The following DCAF10 variants were observed in gnomAD, a reference collection of about 807,000 sequenced individuals.
DCAF10 encodes the protein DDB1- and CUL4-associated factor 10.
A neutral mutation model predicts 51.9 loss-of-function variants in DCAF10; 19 were observed. The ratio of observed to expected loss-of-function variants is 0.37; its 90% CI spans 0.26 to 0.54. The LOEUF is 0.54. DCAF10 is among the 20% of genes least tolerant of loss of function. The pLI, the probability that DCAF10 is intolerant of heterozygous loss-of-function variation, is 0.87. For synonymous variants in DCAF10, 291 were observed against 297.1 expected, an observed-to-expected ratio of 0.98 and a Z score of 0.21; for missense variants, 510 against 730.6, an observed-to-expected ratio of 0.70 and a Z score of 3.48.
At chr9:37,859,956 T>C (rs1193293284) in intron 5 of DCAF10, 92 bp from the exon 6 acceptor site, 1 of 1,455,950 alleles carries the variant, frequency 6.9e-7, no homozygotes, top group East Asian at 2.3e-5. Flanking sequence ...AATGACGGCA[T>C]GGGAGGTGGC....
chr9:37,849,055 G>C (rs1424160553), intron 3 of DCAF10, among the ~76,000 whole-genome samples: 1 of 151,278 alleles, frequency 6.6e-6, no homozygotes, highest in African/African-American at 2.4e-5. Context: ...TGAAACTCCT[G>C]AATCATTAAT....
intron 3 of DCAF10, among the ~76,000 whole-genome samples, chr9:37,850,826 T>TTATATATATATATATA (rs71494679): frequency 8.7e-5 from 4 of 45,876 alleles, no homozygotes; most frequent in Admixed American, 2.8e-4. Flanking sequence ...AGGATATATT[T>TTATATATATATATATA]TATATATATA....
At chr9:37,832,292 T>C (rs1012790370) in intron 2 of DCAF10, among the ~76,000 whole-genome samples, 4 of 144,882 alleles carry the variant, frequency 2.8e-5, no homozygotes, top group Middle Eastern at 4.2e-3. Context: ...ACCCCATCTC[T>C]ACTAAAAATA....
chr9:37,855,003 CAAA>C (rs1157162012), intron 4 of DCAF10, 21 bp downstream of exon 4: 3 of 1,574,406 alleles, frequency 1.9e-6, no homozygotes, highest in African/African-American at 1.4e-5. Flanking sequence ...CTTTTTTGGT[CAAA>C]AAGATTTTTC....
At chr9:37,825,920 A>G (rs1411574946) in intron 2 of DCAF10, among the ~76,000 whole-genome samples, 3 of 152,160 alleles carry the variant, frequency 2.0e-5, no homozygotes, top group African/African-American at 7.2e-5. Context: ...CTGTAATCCC[A>G]GCTACCCAGG....
In DCAF10 at chr9:37,857,274, G is replaced by C. The variant is rs1830876088; in HGVS notation, c.1088G>C (p.Arg363Thr). Residue 363 changes from arginine (R) to threonine (T), a missense_variant, in exon 5 of 7, where the codon AGA becomes ACA. By Grantham distance (71) the Arg-to-Thr change is moderately conservative. Around this residue, in one of 4 missense-constraint regions of DCAF10, gnomAD observed 126 missense variants for 271.5 expected, o/e 0.46. Transcript: ENST00000377724. ...ACTTCATCAAGTTCATCTGGTCCTA[G>C]AGTTTCTGGCTCACCTTGTCATCAT... The part of the protein sequence containing the change: ...LTTSSSSSGP[R>T]VSGSPCHHSD... 6.2e-7 allele frequency: 1 copy of C among 1,609,530 alleles called. No homozygotes were observed. The highest frequency in any genetic ancestry group is 8.5e-7 in the Non-Finnish European group (1 of 1,178,348).
At chr9:37,848,299 C>A (rs542966382) in intron 3 of DCAF10, among the ~76,000 whole-genome samples, 16 of 152,110 alleles carry the variant, frequency 1.1e-4, no homozygotes, top group African/African-American at 3.9e-4. Flanking sequence ...TCATAATAAG[C>A]AAAAATGGAA....
At position 37,810,898 on chromosome 9, in the gene DCAF10, C is replaced by T. The variant is rs544876968; in HGVS notation, c.540-8390C>T. ...TATACCCTAGGACTAAAGGTGAATC[C>T]AGAATCGACAGTACTCATGGGGACT... On this transcript the variant is annotated intron_variant, in intron 1 of 6. Coordinates refer to ENST00000377724, the MANE Select transcript of DCAF10 (RefSeq NM_024345.5). Among the ~76,000 whole-genome samples, 4 of 152,192 alleles carry T rather than the reference C, an allele frequency of 2.6e-5. No homozygotes were observed. The East Asian group carries it at 7.7e-4, about 29-fold the overall frequency.
chr9:37,812,381 C>T (rs1829375541), intron 1 of DCAF10, among the ~76,000 whole-genome samples: 1 of 151,988 alleles, frequency 6.6e-6, no homozygotes. Context: ...ATCTTAAAAG[C>T]AGCTAGAGGA....
intron 3 of DCAF10, among the ~76,000 whole-genome samples, chr9:37,854,134 C>T (rs553783276): frequency 1.3e-5 from 2 of 150,322 alleles, no homozygotes; most frequent in South Asian, 2.1e-4. Flanking sequence ...GTCTGTCTGT[C>T]TGTCACCCAG....
chr9:37,847,581 G>A (rs1295314434), intron 3 of DCAF10, among the ~76,000 whole-genome samples: 1 of 152,164 alleles, frequency 6.6e-6, no homozygotes, highest in Non-Finnish European at 1.5e-5. Context: ...AAGACTGAAT[G>A]CATTCCCCCT....
intron 1 of DCAF10, among the ~76,000 whole-genome samples, chr9:37,813,824 T>A (rs1361617754): frequency 1.3e-5 from 2 of 152,000 alleles, no homozygotes; most frequent in African/African-American, 4.8e-5. Flanking sequence ...AATCACAGTA[T>A]AAATTATAAA....
Position 37,835,741 on chromosome 9 carries a change from AAAC to A in DCAF10, c.654-6336_654-6334del, listed in dbSNP as rs138365757. On this transcript the variant is annotated intron_variant, in intron 2 of 6. Transcript: ENST00000377724. The stretch of plus-strand genomic sequence containing the variant: ...GCAACAAGAGTGAAACTCAGTCTCA[AAAC>A]AACAACAACAAAAAACATTATCAGT... 3.9e-3 allele frequency among the ~76,000 whole-genome samples: 595 copies of A among 152,352 alleles called. 3 individuals are homozygous for A. The highest frequency in any genetic ancestry group is 0.013 in the African/African-American group (561 of 41,588).
At chr9:37,835,572 C>G (rs1830136547) in intron 2 of DCAF10, among the ~76,000 whole-genome samples, 1 of 150,866 alleles carries the variant, frequency 6.6e-6, no homozygotes, top group South Asian at 2.1e-4. Flanking sequence ...AGTGAGACTC[C>G]GTCCAAAAAA....
At chr9:37,841,137 G>A (rs1830324035) in intron 2 of DCAF10, among the ~76,000 whole-genome samples, 1 of 152,134 alleles carries the variant, frequency 6.6e-6, no homozygotes, top group African/African-American at 2.4e-5. Context: ...AAGAAAGCAA[G>A]AATTAGCCAG....
Position 37,812,374 on chromosome 9 carries a change from T to G in DCAF10, c.540-6914T>G, listed in dbSNP as rs552431039. Among the ~76,000 whole-genome samples, 8 of 152,040 alleles carry G rather than the reference T, an allele frequency of 5.3e-5. No homozygotes were observed. In the South Asian group the frequency reaches 1.7e-3, roughly 32 times the overall value. ...TACATGCACAAAGACAAAGAAAATC[T>G]TAAAAGCAGCTAGAGGAAAGAGATA... is the stretch of plus-strand genomic sequence containing the variant. On this transcript the variant is annotated intron_variant, in intron 1 of 6. Coordinates refer to ENST00000377724, the MANE Select transcript of DCAF10 (RefSeq NM_024345.5).
intron 1 of DCAF10, among the ~76,000 whole-genome samples, chr9:37,815,601 C>T (rs1030768195): frequency 2.6e-5 from 4 of 151,734 alleles, no homozygotes; most frequent in Admixed American, 6.6e-5. Context: ...GCTGAGATCA[C>T]GCCATTGCAC....
At chr9:37,811,540 G>C (rs1418171597) in intron 1 of DCAF10, among the ~76,000 whole-genome samples, 1 of 152,016 alleles carries the variant, frequency 6.6e-6, no homozygotes, top group Non-Finnish European at 1.5e-5. Flanking sequence ...AAATTTAGCA[G>C]AGAACTAGAA....
At chr9:37,839,018 CA>C (rs1393970148) in intron 2 of DCAF10, among the ~76,000 whole-genome samples, 1 of 151,958 alleles carries the variant, frequency 6.6e-6, no homozygotes. Context: ...TTAAGCTAAA[CA>C]TCAATAAAGT....
Sources: allele counts gnomAD v4.1 joint callset (sites outside exome capture counted in the v4.1 genomes callset), GRCh38; gene constraint gnomAD v4.1.1; regional missense constraint gnomAD v4.1.1; transcripts MANE v1.5; gene names NCBI Gene and HGNC (gene_info 2026-07-23, HGNC 2026-07-21).